The following FHL2 variants were observed in gnomAD, a reference collection of about 807,000 sequenced individuals.
The protein encoded by FHL2 is four and a half LIM domains 2.
In FHL2, 20 loss-of-function variants were observed where a neutral mutation model predicts 32.7. That is an observed-to-expected ratio of 0.61 (90% confidence interval 0.43 to 0.89). The LOEUF (loss-of-function observed/expected upper bound fraction) is 0.89, where lower values mean the gene tolerates loss of function less well. FHL2 is among the 40% of genes least tolerant of loss of function. The pLI is 0.00. For missense variants in FHL2, 311 were observed against 358.6 expected, an observed-to-expected ratio of 0.87 and a Z score of 1.07; for synonymous variants, 123 against 128.1, an observed-to-expected ratio of 0.96 and a Z score of 0.27.
intron 5 of FHL2, 38 bp from the exon 6 acceptor site, chr2:105,363,509 G>T (rs1434198101): frequency 1.9e-6 from 3 of 1,547,768 alleles, no homozygotes; most frequent in Non-Finnish European, 1.8e-6. Flanking sequence ...TGGCCTCTGT[G>T]CTTGGCAGAC....
chr2:105,412,388 T>C (rs2104657260), intron 1 of FHL2, among the ~76,000 whole-genome samples: 1 of 151,868 alleles, frequency 6.6e-6, no homozygotes, highest in African/African-American at 2.4e-5. Context: ...ATCAGGAAAA[T>C]AGAAAAAAAC....
chr2:105,365,459 G>A (rs557965870), intron 5 of FHL2, among the ~76,000 whole-genome samples: 215 of 152,142 alleles, frequency 1.4e-3, no homozygotes, highest in Non-Finnish European at 2.4e-3. Flanking sequence ...AATGAATAAA[G>A]CACACATTGG....
At chr2:105,399,367 A>G (rs1260209651), upstream of FHL2, 1 of 1,535,924 alleles carries the variant, frequency 6.5e-7, no homozygotes, top group South Asian at 1.2e-5. Context: ...CCACGCCGGG[A>G]TCTCTGCCTG....
At position 105,363,381 on chromosome 2, in the gene FHL2, G is replaced by A; in HGVS notation, c.592C>T (p.Gln198Ter). 6.2e-7 allele frequency: 1 copy of A among 1,614,060 alleles called. No homozygotes were observed. The highest frequency in any genetic ancestry group is 8.5e-7 in the Non-Finnish European group (1 of 1,179,990). Residue 198 changes from glutamine to a stop codon, truncating the protein, a stop_gained, in exon 6 of 7, where the codon CAG (glutamine) becomes TAG (stop). Transcript: ENST00000530340. LOFTEE classifies it high-confidence loss of function. ...CTACRKQLSG[Q>*]RFTARDDFAY... Reference sequence around the variant, plus strand: ...AAGTCATCGCGAGCTGTGAAGCGCTGCCCAGACAGCTGCTTCCTGCAGGCG... The same window carrying A: ...AAGTCATCGCGAGCTGTGAAGCGCTACCCAGACAGCTGCTTCCTGCAGGCG...
At chr2:105,399,348 G>C, upstream of FHL2, 3 of 1,535,958 alleles carry the variant, frequency 2.0e-6, no homozygotes, top group Non-Finnish European at 2.6e-6. Flanking sequence ...CGCGGTGGCA[G>C]GGGTCTGCCC....
chr2:105,415,443 A>G (rs146248672), intron 1 of FHL2, among the ~76,000 whole-genome samples: 1 of 152,368 alleles, frequency 6.6e-6, no homozygotes, highest in African/African-American at 2.4e-5. Context: ...TGAATTTTGC[A>G]CCGTGTGCAT....
intron 1 of FHL2, among the ~76,000 whole-genome samples, chr2:105,412,799 A>AG (rs1381293718): frequency 3.9e-5 from 6 of 152,298 alleles, no homozygotes; most frequent in Admixed American, 2.0e-4. Context: ...AGCAGTGGCC[A>AG]GGGGGTGCTG....
chr2:105,388,773 G>A (rs1178925911), intron 2 of FHL2, among the ~76,000 whole-genome samples: 1 of 152,034 alleles, frequency 6.6e-6, no homozygotes, highest in Non-Finnish European at 1.5e-5. Context: ...AGTGGAGGTT[G>A]CAGTGAGCTG....
intron 1 of FHL2, among the ~76,000 whole-genome samples, chr2:105,406,021 GA>G (rs1280465932): frequency 1.3e-5 from 2 of 152,192 alleles, no homozygotes; most frequent in Admixed American, 6.5e-5. Context: ...ATTTGTGTGT[GA>G]TGAAAACCTA....
intron 3 of FHL2, among the ~76,000 whole-genome samples, chr2:105,379,151 C>T (rs927341135): frequency 6.6e-6 from 1 of 152,196 alleles, no homozygotes; most frequent in African/African-American, 2.4e-5. Flanking sequence ...CCACGTACAT[C>T]ACCATTGGGA....
chr2:105,390,924 G>A (rs920317104), intron 2 of FHL2, among the ~76,000 whole-genome samples: 3 of 151,598 alleles, frequency 2.0e-5, no homozygotes, highest in Non-Finnish European at 2.9e-5. Context: ...AGCCTCCTGG[G>A]TTGCTGGGAT....
chr2:105,363,304 C>G lies in FHL2; in HGVS notation c.669G>C (p.Gly223=). Reference sequence around the variant, plus strand: ...ACTCACCGCTGATGGGGTTGGTGCACCCAGCACACTTCTTGGCATACAAGT... The same window carrying G: ...ACTCACCGCTGATGGGGTTGGTGCAGCCAGCACACTTCTTGGCATACAAGT... The part of the protein sequence containing the change: ...FCDLYAKKCA[G]CTNPISGLGG... Residue 223 remains glycine, a synonymous_variant, in exon 6 of 7, where the codon GGG becomes GGC. Transcript: ENST00000530340. 6.2e-7 allele frequency: 1 copy of G among 1,614,090 alleles called. No individual in the cohort carries two copies. The highest frequency in any genetic ancestry group is 8.5e-7 in the Non-Finnish European group (1 of 1,179,990).
chr2:105,416,365 G>T (rs1573396646), intron 1 of FHL2, among the ~76,000 whole-genome samples: 1 of 152,180 alleles, frequency 6.6e-6, no homozygotes, highest in African/African-American at 2.4e-5. Context: ...GATCTGTGGA[G>T]TATGTGGTTT....
intron 3 of FHL2, among the ~76,000 whole-genome samples, chr2:105,379,988 G>A (rs895347123): frequency 6.6e-6 from 1 of 152,170 alleles, no homozygotes; most frequent in East Asian, 1.9e-4. Context: ...TGAATGGGGC[G>A]CCCAGTTTGT....
chr2:105,399,169 G>T (rs998144756), upstream of FHL2: 2 of 1,392,440 alleles, frequency 1.4e-6, no homozygotes, highest in Non-Finnish European at 1.8e-6. Flanking sequence ...GGCGCCCCCA[G>T]GCCTCGCGGT....
intron 1 of FHL2, among the ~76,000 whole-genome samples, chr2:105,412,798 C>A (rs1024457266): frequency 1.3e-5 from 2 of 152,154 alleles, no homozygotes; most frequent in Non-Finnish European, 2.9e-5. Flanking sequence ...GAGCAGTGGC[C>A]AGGGGGTGCT....
At chr2:105,414,798 C>A (rs1228372205) in intron 1 of FHL2, among the ~76,000 whole-genome samples, 1 of 152,184 alleles carries the variant, frequency 6.6e-6, no homozygotes, top group Non-Finnish European at 1.5e-5. Context: ...AGTGATCCAC[C>A]CACCTTGGCC....
In FHL2 at chr2:105,418,880, T is replaced by TA. The variant is rs553087290; in HGVS notation, c.-25+19518dup. On this transcript the variant is annotated intron_variant, in intron 1 of 5. Transcript: ENST00000393352. ...TTATTATTATTTATTGTTAATCTCT[T>TA]ACGGTGACTAGTTTATAAGTTAAAA... is the stretch of plus-strand genomic sequence containing the variant. Among the ~76,000 whole-genome samples the TA allele has an allele frequency of 7.9e-4, 120 of 152,344 alleles. 1 individual carries two copies. The East Asian group carries it at 0.023, about 29-fold the overall frequency.
At chr2:105,408,691 T>TG (rs1391449382) in intron 1 of FHL2, among the ~76,000 whole-genome samples, 1 of 152,236 alleles carries the variant, frequency 6.6e-6, no homozygotes, top group Middle Eastern at 3.2e-3. Context: ...TGATCCTAGA[T>TG]GCAGAGTTTG....
Sources: allele counts gnomAD v4.1 joint callset (sites outside exome capture counted in the v4.1 genomes callset), GRCh38; gene constraint gnomAD v4.1.1; transcripts MANE v1.5; gene names NCBI Gene and HGNC (gene_info 2026-07-23, HGNC 2026-07-21).